DNAH1: variants seen among roughly 807,000 people sequenced by gnomAD.
DNAH1 encodes the protein dynein axonemal heavy chain 1.
Under a neutral mutation model 484.3 loss-of-function variants are expected in DNAH1, and 327 were observed. The ratio of observed to expected loss-of-function variants is 0.68; its 90% CI spans 0.62 to 0.74. DNAH1 has a LOEUF of 0.74. Among genes scored for constraint, DNAH1 ranks in the 30% least tolerant of loss-of-function variants. DNAH1 has a pLI of 0.00. For missense variants in DNAH1, 5,052 were observed against 5,546.8 expected, an observed-to-expected ratio of 0.91 and a Z score of 2.83; for synonymous variants, 2,192 against 2,191.9, an observed-to-expected ratio of 1.00 and a Z score of 0.00.
chr3:52,362,654 C>A lies in DNAH1; in HGVS notation c.5094+153C>A, dbSNP rs1428300304. ...TAGCCATGGAGGGGAGGCCTCAGGG[C>A]CTCAGACTTGTCCTCAGGGCATGGG... On this transcript the variant is annotated intron_variant, in intron 31 of 77. Transcript: ENST00000420323. The surrounding 1 kb of genome is among the most constrained non-coding windows in gnomAD (Gnocchi z 5.1). Among the ~76,000 whole-genome samples the A allele has an allele frequency of 6.6e-6, 1 of 152,196 alleles. No individual in the cohort carries two copies. The highest frequency in any genetic ancestry group is 1.5e-5 in the Non-Finnish European group (1 of 68,022).
rs555366087 is a variant in DNAH1, at chr3:52,322,686, C to G, written c.244C>G (p.Leu82Val). 2 of 1,613,862 alleles carry G rather than the reference C, an allele frequency of 1.2e-6. No individual in the cohort carries two copies. The highest frequency in any genetic ancestry group is 2.7e-5 in the African/African-American group (2 of 75,032). The change falls in exon 2 of 78, where the codon CTG becomes GTG. Residue 82 changes from leucine to valine, a missense_variant. Leu to Val is a conservative substitution (Grantham distance 32, BLOSUM62 1). Transcript: ENST00000420323. ...SDLGQPRKSP[L>V]TGTDKKYPLM... is the part of the protein sequence containing the mutation. ...CTTGGGGCAGCCACGGAAGTCACCCCTGACAGGCACTGATAAGAAGTACCC... is the reference window on the plus strand; with the variant it reads ...CTTGGGGCAGCCACGGAAGTCACCCGTGACAGGCACTGATAAGAAGTACCC...
rs1466016508 is a variant in DNAH1, at chr3:52,398,777, C to T, written c.12090-73C>T. ...TTGCCATTGTTTTTCACTCTGTGGC[C>T]TTGAGCTGCGGAGCATAGCTACTGC... is the stretch of plus-strand genomic sequence containing the variant. On this transcript the variant is annotated intron_variant, in intron 75 of 77. Coordinates refer to ENST00000420323, the MANE Select transcript of DNAH1 (RefSeq NM_015512.5). The T allele has an allele frequency of 7.7e-6, 10 of 1,302,222 alleles. No homozygotes were observed. The East Asian group carries it at 2.6e-4, about 34-fold the overall frequency. The allele number at this position is 1,302,222 out of a possible 1,614,324, so 80.7% of individuals were successfully genotyped here. A position where few individuals can be genotyped will look rare whatever the true frequency, so the allele number is the denominator to read the frequency against.
In DNAH1 at chr3:52,349,436, C is replaced by T. The variant is rs1349523487; in HGVS notation, c.2526+16C>T. 6.2e-7 allele frequency: 1 copy of T among 1,610,500 alleles called. No individual in the cohort carries two copies. Among genetic ancestry groups the T allele is most frequent in the Non-Finnish European group, 8.5e-7 (1 of 1,177,374 alleles). On this transcript the variant is annotated intron_variant, in intron 14 of 77. Coordinates refer to ENST00000420323, the MANE Select transcript of DNAH1 (RefSeq NM_015512.5). ...GGTGGATAGCGTAAGTGCCCACCTG[C>T]CCCGCCTCAGTGACCACAGCAGCAC...
chr3:52,358,689 G>C lies in DNAH1; in HGVS notation c.4218G>C (p.Lys1406Asn). 1 of 1,613,132 alleles carries C rather than the reference G, an allele frequency of 6.2e-7. No individual in the cohort carries two copies. ...TGCGGGAGGTGGAGCGCAGCATGAAGGCCAGTGTGCACGACATCATTGAGA... is the reference window on the plus strand; with the variant it reads ...TGCGGGAGGTGGAGCGCAGCATGAACGCCAGTGTGCACGACATCATTGAGA... ...DWLREVERSM[K>N]ASVHDIIEKA... Residue 1406 changes from lysine (K) to asparagine (N), a missense_variant, in exon 25 of 78, where the codon AAG becomes AAC. Coordinates refer to ENST00000420323, the MANE Select transcript of DNAH1 (RefSeq NM_015512.5). The surrounding 1 kb of genome is among the most constrained non-coding windows in gnomAD (Gnocchi z 4.2).
chr3:52,361,482 CA>C lies in DNAH1; in HGVS notation c.4874+131del, dbSNP rs1212543578. ...GGAGGGGACAGAAGGGGGTAATAGG[CA>C]TCACGGCTTGGTCCTGGGGGCATTG... On this transcript the variant is annotated intron_variant, in intron 29 of 77. Coordinates refer to ENST00000420323, the MANE Select transcript of DNAH1 (RefSeq NM_015512.5). The surrounding 1 kb of genome is among the most constrained non-coding windows in gnomAD (Gnocchi z 5.6). The C allele has an allele frequency of 3.1e-6, 4 of 1,280,692 alleles. No individual in the cohort carries two copies. Among genetic ancestry groups the C allele is most frequent in the Non-Finnish European group, 1.1e-6 (1 of 934,080 alleles). 79.3% of individuals were successfully genotyped at this position (1,280,692 alleles called of 1,614,324 possible).
At chr3:52,320,459 C>T (rs1701104215) in intron 1 of DNAH1, among the ~76,000 whole-genome samples, 2 of 152,348 alleles carry the variant, frequency 1.3e-5, no homozygotes, top group South Asian at 4.1e-4. Context: ...CCTTCTTTGG[C>T]CCTCAGGCGC....
At chr3:52,373,590 C>T (rs1225914121) in intron 44 of DNAH1, 23 of 1,466,518 alleles carry the variant, frequency 1.6e-5, no homozygotes, top group Non-Finnish European at 2.2e-5. Flanking sequence ...AGACAAACAG[C>T]AAAATTCTTC....
Position 52,332,200 on chromosome 3 carries a change from C to G in DNAH1, c.1092C>G (p.Cys364Trp), listed in dbSNP as rs768178265. Reference protein sequence around the residue: ...YWVPRIQLLFCAEDPCMFAQR... With the variant: ...YWVPRIQLLFWAEDPCMFAQR... ...TGCCACGGATCCAGCTTCTCTTCTG[C>G]GCTGAGGACCCTTGCATGTTCGCAC... The change falls in exon 8 of 78, where the codon TGC becomes TGG. Residue 364 changes from cysteine to tryptophan, a missense_variant. Around this residue, in one of 4 missense-constraint regions of DNAH1, gnomAD observed 1,263 missense variants for 1,218.8 expected, o/e 1.04. Transcript: ENST00000420323. 2.5e-6 allele frequency: 4 copies of G among 1,605,550 alleles called. No homozygotes were observed. In the Admixed American group the frequency reaches 6.8e-5, roughly 27 times the overall value.
In DNAH1 at chr3:52,382,467, A is replaced by C. The variant is rs780499616; in HGVS notation, c.7941+12A>C. 4.3e-5 allele frequency: 69 copies of C among 1,613,306 alleles called. No homozygotes were observed. Among genetic ancestry groups the C allele is most frequent in the African/African-American group, 5.3e-5 (4 of 74,926 alleles). Reference sequence around the variant, plus strand: ...TCTCAGACACCCAGGTGCCACTGCCACAGCAGAGGGCAGGGCTCGGGGGGG... The same window carrying C: ...TCTCAGACACCCAGGTGCCACTGCCCCAGCAGAGGGCAGGGCTCGGGGGGG... On this transcript the variant is annotated intron_variant, in intron 50 of 77. Coordinates refer to ENST00000420323, the MANE Select transcript of DNAH1 (RefSeq NM_015512.5).
At position 52,361,036 on chromosome 3, in the gene DNAH1, A is replaced by AG. The variant is rs1702834382; in HGVS notation, c.4686-125dup. 1 of 885,404 alleles carries AG rather than the reference A, an allele frequency of 1.1e-6. No individual in the cohort carries two copies. The highest frequency in any genetic ancestry group is 3.3e-5 in the East Asian group (1 of 30,716). The allele number at this position is 885,404 out of a possible 1,614,324, so 54.8% of individuals were successfully genotyped here. ...AGGCTCCAGTCCTGACCCCGGAGCC[A>AG]GGGCTGGGCACACCCCAGCCCACCA... is the stretch of plus-strand genomic sequence containing the variant. On this transcript the variant is annotated intron_variant, in intron 28 of 77. Coordinates refer to ENST00000420323, the MANE Select transcript of DNAH1 (RefSeq NM_015512.5). The surrounding 1 kb of genome is among the most constrained non-coding windows in gnomAD (Gnocchi z 5.6).
At position 52,345,480 on chromosome 3, in the gene DNAH1, C is replaced by T; in HGVS notation, c.1445-15C>T. The T allele has an allele frequency of 2.6e-6, 4 of 1,554,304 alleles. No homozygotes were observed. The highest frequency in any genetic ancestry group is 1.4e-5 in the African/African-American group (1 of 73,364). On this transcript the variant is annotated splice_polypyrimidine_tract_variant and intron_variant, in intron 9 of 77. Transcript: ENST00000420323. ...GGCAGGGTCTGATACTGGCCCTTGG[C>T]CCCTATCCCTGCAGGGCTGGTGAGT... is the stretch of plus-strand genomic sequence containing the variant.
At position 52,362,969 on chromosome 3, in the gene DNAH1, G is replaced by C; in HGVS notation, c.5095-26G>C. 1 of 1,613,386 alleles carries C rather than the reference G, an allele frequency of 6.2e-7. No homozygotes were observed. Among genetic ancestry groups the C allele is most frequent in the Non-Finnish European group, 8.5e-7 (1 of 1,179,676 alleles). Reference sequence around the variant, plus strand: ...GCTCTGGGGGTGAGCTCTGTTTGCTGTTCACATGTGCACTGTGTGTCCCAG... The same window carrying C: ...GCTCTGGGGGTGAGCTCTGTTTGCTCTTCACATGTGCACTGTGTGTCCCAG... On this transcript the variant is annotated intron_variant, in intron 31 of 77. Coordinates refer to ENST00000420323, the MANE Select transcript of DNAH1 (RefSeq NM_015512.5). This position sits in a 1 kb window ranked among gnomAD's most constrained non-coding sequence, Gnocchi z 5.1.
In DNAH1 at chr3:52,393,431, G is replaced by A. The variant is rs761655862; in HGVS notation, c.10572G>A (p.Met3524Ile). The A allele has an allele frequency of 3.7e-6, 6 of 1,614,030 alleles. No individual in the cohort carries two copies. The highest frequency in any genetic ancestry group is 1.7e-5 in the Admixed American group (1 of 60,024). Reference protein sequence around the residue: ...CRSLFEKHKLMFAFLLCVRIM... With the variant: ...CRSLFEKHKLIFAFLLCVRIM... ...GCCTCTTTGAGAAGCACAAGCTGAT[G>A]TTTGCCTTCCTGCTGTGTGTTCGCA... The change falls in exon 66 of 78, where the codon ATG (methionine) becomes ATA (isoleucine). Residue 3524 changes from methionine (M) to isoleucine (I), a missense_variant. Met to Ile is a conservative substitution (Grantham distance 10). Around this residue, in one of 4 missense-constraint regions of DNAH1, gnomAD observed 2,929 missense variants for 3,409.4 expected, o/e 0.86. Transcript: ENST00000420323.
At position 52,368,582 on chromosome 3, in the gene DNAH1, C is replaced by CA. The variant is rs1703180440; in HGVS notation, c.5766-152dup. ...ATGTTTTCATTACACCATGTGACAC[C>CA]AAAAAAATCCCACTTTTCCTATTAT... On this transcript the variant is annotated intron_variant, in intron 36 of 77. Transcript: ENST00000420323. The surrounding 1 kb of genome is among the most constrained non-coding windows in gnomAD (Gnocchi z 4.4). 3.3e-5 allele frequency among the ~76,000 whole-genome samples: 5 copies of CA among 152,156 alleles called. No homozygotes were observed. In the South Asian group the frequency reaches 1.0e-3, roughly 32 times the overall value.
In DNAH1 at chr3:52,354,891, C is replaced by G. The variant is rs753783425; in HGVS notation, c.3529C>G (p.Leu1177Val). Residue 1177 changes from leucine (L) to valine (V), a missense_variant, in exon 21 of 78, where the codon CTG becomes GTG. Physicochemically the swap from Leu to Val is conservative, Grantham distance 32. Coordinates refer to ENST00000420323, the MANE Select transcript of DNAH1 (RefSeq NM_015512.5). ...KEWSTILFNV[L>V]PYKATDTYIL... is the part of the protein sequence containing the mutation. ...GTGGTCGACCATCCTGTTCAATGTA[C>G]TGCCCTACAAGGCGACAGACACCTA... is the stretch of plus-strand genomic sequence containing the variant. 2 of 1,614,008 alleles carry G rather than the reference C, an allele frequency of 1.2e-6. No homozygotes were observed. The highest frequency in any genetic ancestry group is 1.1e-5 in the South Asian group (1 of 91,076).
In DNAH1 at chr3:52,351,860, C is replaced by T; in HGVS notation, c.2730-102C>T. 5 of 1,404,648 alleles carry T rather than the reference C, an allele frequency of 3.6e-6. No individual in the cohort carries two copies. The Admixed American group carries it at 1.0e-4, about 28-fold the overall frequency. 87.0% of individuals were successfully genotyped at this position (1,404,648 alleles called of 1,614,324 possible). ...CCTGGATTTCCCCTGAACCCCTTCT[C>T]ACTGGCTGCCTGGGTGCCTGGTGGG... On this transcript the variant is annotated intron_variant, in intron 16 of 77. Transcript: ENST00000420323.
Position 52,386,769 on chromosome 3 carries a change from C to T in DNAH1, c.8919C>T (p.Thr2973=), listed in dbSNP as rs768640425. ...AGGTGCCTGGAGAAAAGCCAGGCAC[C>T]AAGGTGGATGACTACTGGGAGCCTG... ...PKKVPGEKPG[T]KVDDYWEPGK... The change falls in exon 56 of 78, where the codon ACC becomes ACT. Residue 2973 remains threonine (T), a synonymous_variant. Coordinates refer to ENST00000420323, the MANE Select transcript of DNAH1 (RefSeq NM_015512.5). 1.9e-6 allele frequency: 3 copies of T among 1,588,718 alleles called. No homozygotes were observed. The South Asian group carries it at 3.5e-5, about 18-fold the overall frequency.
rs1328594465 is a variant in DNAH1 at position 52,331,190 on chromosome 3, T to C, written c.914T>C (p.Val305Ala). 1.9e-6 allele frequency: 3 copies of C among 1,605,648 alleles called. No individual in the cohort carries two copies. Among genetic ancestry groups the C allele is most frequent in the Non-Finnish European group, 2.6e-6 (3 of 1,176,102 alleles). ...SQKLKYKWCE[V>A]GVLDYDEEKK... is the part of the protein sequence containing the mutation. ...AAGCTGAAGTACAAATGGTGCGAGG[T>C]CGGCGTCCTGGACTACGACGAGGAG... The change falls in exon 7 of 78, where the codon GTC becomes GCC. Residue 305 changes from valine to alanine, a missense_variant. By Grantham distance (64) the Val-to-Ala change is moderately conservative (BLOSUM62 0). Transcript: ENST00000420323.
intron 41 of DNAH1, among the ~76,000 whole-genome samples, chr3:52,371,632 G>A (rs560351093): frequency 1.3e-5 from 2 of 152,334 alleles, no homozygotes; most frequent in African/African-American, 2.4e-5. Context: ...TTCAATTCTC[G>A]GAGCTTCTCC....
Sources: allele counts gnomAD v4.1 joint callset (sites outside exome capture counted in the v4.1 genomes callset), GRCh38; gene constraint gnomAD v4.1.1; regional missense constraint gnomAD v4.1.1; non-coding constraint Gnocchi (gnomAD v3.1); transcripts MANE v1.5; gene names NCBI Gene and HGNC (gene_info 2026-07-23, HGNC 2026-07-21).